Variants in SUSD4 observed in about 807,000 individuals in gnomAD.
SUSD4 encodes the protein sushi domain containing 4.
Under a neutral mutation model 50.5 loss-of-function variants are expected in SUSD4, and 41 were observed. The ratio of observed to expected loss-of-function variants is 0.81; its 90% CI spans 0.63 to 1.05. The LOEUF is 1.05. Among genes scored for constraint, SUSD4 ranks in the 50% least tolerant of loss-of-function variants. SUSD4 has a pLI of 0.00. For missense variants in SUSD4, 580 were observed against 634.7 expected (o/e 0.91, Z 0.93); for synonymous variants, 257 against 257.3 (o/e 1.00, Z 0.01).
intron 7 of SUSD4, among the ~76,000 whole-genome samples, chr1:223,224,821 C>G (rs1263281081): frequency 1.3e-5 from 2 of 151,518 alleles, no homozygotes; most frequent in Admixed American, 1.3e-4. Flanking sequence ...CAAGAGGAAC[C>G]CAGGGTGGCT....
At chr1:223,260,974 G>A (rs1413081375) in intron 5 of SUSD4, among the ~76,000 whole-genome samples, 8 of 152,184 alleles carry the variant, frequency 5.3e-5, no homozygotes, top group Admixed American at 2.6e-4. Flanking sequence ...GGGAGAGGAG[G>A]TGCCATGCGG....
At chr1:223,304,471 G>C (rs1665392427) in intron 2 of SUSD4, among the ~76,000 whole-genome samples, 1 of 151,948 alleles carries the variant, frequency 6.6e-6, no homozygotes, top group African/African-American at 2.4e-5. Flanking sequence ...AAATGAAGTG[G>C]AACAGAAAAG....
At position 223,292,623 on chromosome 1, in the gene SUSD4, G is replaced by A. The variant is rs115720239; in HGVS notation, c.177C>T (p.Asp59=). The A allele has an allele frequency of 4.5e-4, 725 of 1,614,130 alleles. 4 individuals carry two copies. In the African/African-American group the frequency reaches 8.4e-3, roughly 19 times the overall value. ...GGFDDLQVCA[D]PGIPENGFRT... The stretch of plus-strand genomic sequence containing the variant: ...TGAAGCCATTCTCGGGAATGCCGGG[G>A]TCAGCACACACTTGAAGGTCATCGA... The change falls in exon 3 of 9, where the codon GAC becomes GAT. Residue 59 remains aspartate, a synonymous_variant. Coordinates refer to ENST00000366878, the MANE Select transcript of SUSD4 (RefSeq NM_017982.4).
At chr1:223,260,989 G>A (rs1662079781) in intron 5 of SUSD4, among the ~76,000 whole-genome samples, 1 of 152,192 alleles carries the variant, frequency 6.6e-6, no homozygotes. Flanking sequence ...ATGCGGCAGA[G>A]ACCATGCGCC....
intron 2 of SUSD4, among the ~76,000 whole-genome samples, chr1:223,335,230 A>G (rs1245514994): frequency 1.3e-5 from 2 of 152,154 alleles, no homozygotes; most frequent in African/African-American, 4.8e-5. Context: ...TCCTCTGGGT[A>G]GATACCCAGT....
Position 223,241,903 on chromosome 1 carries a change from C to A in SUSD4, c.725-12515G>T, listed in dbSNP as rs141066651. On this transcript the variant is annotated intron_variant, in intron 5 of 8. Transcript: ENST00000366878. ...CTTCTTGGGGAAGACAATCCTACCA[C>A]CTCCCCTTTACGGTGGCCTGGGAAG... Among the ~76,000 whole-genome samples the A allele has an allele frequency of 3.1e-3, 469 of 152,254 alleles. 2 individuals are homozygous for A. Among genetic ancestry groups the A allele is most frequent in the African/African-American group, 0.011 (441 of 41,542 alleles).
chr1:223,330,993 C>A (rs1372166191), intron 2 of SUSD4, among the ~76,000 whole-genome samples: 2 of 152,134 alleles, frequency 1.3e-5, no homozygotes, highest in African/African-American at 4.8e-5. Context: ...CTTACATACT[C>A]CTTTTGCTGC....
chr1:223,306,952 T>G (rs944992549), intron 2 of SUSD4, among the ~76,000 whole-genome samples: 1 of 54,330 alleles, frequency 1.8e-5, no homozygotes, highest in Admixed American at 2.0e-4. Context: ...TATGGATGAG[T>G]TTTTTTTTTT....
At chr1:223,276,335 C>T (rs977714645) in intron 3 of SUSD4, among the ~76,000 whole-genome samples, 3 of 152,340 alleles carry the variant, frequency 2.0e-5, no homozygotes, top group South Asian at 2.1e-4. Context: ...CAACTCCCTA[C>T]CTCCACAGCC....
In SUSD4 at chr1:223,268,635, G is replaced by T; in HGVS notation, c.402C>A (p.Asn134Lys). 1 of 1,613,696 alleles carries T rather than the reference G, an allele frequency of 6.2e-7. No individual in the cohort carries two copies. The highest frequency in any genetic ancestry group is 8.5e-7 in the Non-Finnish European group (1 of 1,179,900). ...IPQIEDAEIH[N>K]KTYRHGEKLI... Reference sequence around the variant, plus strand: ...GCTTCTCTCCATGTCTATATGTCTTGTTATGAATCTCAGCATCTTCGATTT... The same window carrying T: ...GCTTCTCTCCATGTCTATATGTCTTTTTATGAATCTCAGCATCTTCGATTT... The change falls in exon 4 of 9, where the codon AAC becomes AAA. Residue 134 changes from asparagine (N) to lysine (K), a missense_variant. Physicochemically the swap from Asn to Lys is moderately conservative, Grantham distance 94 (BLOSUM62 0). Coordinates refer to ENST00000366878, the MANE Select transcript of SUSD4 (RefSeq NM_017982.4).
chr1:223,227,092 T>C lies in SUSD4; in HGVS notation c.1061+502A>G, dbSNP rs1659567327. The stretch of plus-strand genomic sequence containing the variant: ...TCAGATAAGACTTCATGGTAGACTC[T>C]CACTAGCCCTTTCCTGATTGCTCCT... On this transcript the variant is annotated intron_variant, in intron 7 of 8. Coordinates refer to ENST00000366878, the MANE Select transcript of SUSD4 (RefSeq NM_017982.4). This position sits in a 1 kb window ranked among gnomAD's most constrained non-coding sequence, Gnocchi z 4.5. 6.6e-6 allele frequency among the ~76,000 whole-genome samples: 1 copy of C among 152,208 alleles called. No individual in the cohort carries two copies. The highest frequency in any genetic ancestry group is 2.4e-5 in the African/African-American group (1 of 41,452).
At chr1:223,222,636 A>G (rs1659204915) in intron 8 of SUSD4, among the ~76,000 whole-genome samples, 2 of 152,334 alleles carry the variant, frequency 1.3e-5, no homozygotes, top group South Asian at 4.1e-4. Context: ...TCTCATTTGC[A>G]AAGTGGCACT....
chr1:223,328,064 T>C (rs1398404286), intron 2 of SUSD4, among the ~76,000 whole-genome samples: 1 of 151,702 alleles, frequency 6.6e-6, no homozygotes, highest in Non-Finnish European at 1.5e-5. Context: ...ACAGGGGTAA[T>C]GTCATCTGTC....
chr1:223,280,452 A>G (rs938060980), intron 3 of SUSD4, among the ~76,000 whole-genome samples: 2 of 152,130 alleles, frequency 1.3e-5, no homozygotes, highest in African/African-American at 4.8e-5. Context: ...CTCTGATAAA[A>G]CAGACTTTAA....
chr1:223,299,842 T>G (rs1665068116), intron 2 of SUSD4, among the ~76,000 whole-genome samples: 2 of 152,116 alleles, frequency 1.3e-5, no homozygotes, highest in South Asian at 4.1e-4. Flanking sequence ...GACAGGAAAT[T>G]ACATCATTGG....
chr1:223,306,142 CT>C (rs1405032764), intron 2 of SUSD4, among the ~76,000 whole-genome samples: 1 of 152,178 alleles, frequency 6.6e-6, no homozygotes, highest in Non-Finnish European at 1.5e-5. Flanking sequence ...ATTTTCCCCT[CT>C]CTTGATTTAA....
intron 2 of SUSD4, among the ~76,000 whole-genome samples, chr1:223,312,478 C>T (rs1343882162): frequency 6.6e-6 from 1 of 152,124 alleles, no homozygotes; most frequent in Non-Finnish European, 1.5e-5. Flanking sequence ...TCCATCACCT[C>T]ACTGATACAT....
At chr1:223,268,401 C>T (rs77730518) in intron 4 of SUSD4, 101 bp downstream of exon 4, 51,905 of 1,443,616 alleles carry the variant, frequency 0.036, 1,125 homozygotes, top group Non-Finnish European at 0.042. Flanking sequence ...GTTCATTTCG[C>T]CCATCATCTC....
chr1:223,317,851 C>CTTTTTTTTTTTTTTTTTTTT (rs1172641015), intron 2 of SUSD4, among the ~76,000 whole-genome samples: 135 of 100,674 alleles, frequency 1.3e-3, no homozygotes, highest in Non-Finnish European at 1.5e-3. Flanking sequence ...TTTTTTTTTT[C>CTTTTTTTTTTTTTTTTTTTT]TTTTTTTTTT....
Sources: allele counts gnomAD v4.1 joint callset (sites outside exome capture counted in the v4.1 genomes callset), GRCh38; gene constraint gnomAD v4.1.1; non-coding constraint Gnocchi (gnomAD v3.1); transcripts MANE v1.5; gene names NCBI Gene and HGNC (gene_info 2026-07-23, HGNC 2026-07-21).